The following ZNRF3 variants were observed in gnomAD, a reference collection of about 807,000 sequenced individuals.
ZNRF3 encodes the protein zinc and ring finger 3, also known as E3 ubiquitin-protein ligase ZNRF3.
A neutral mutation model predicts 72.5 loss-of-function variants in ZNRF3; 23 were observed. The ratio of observed to expected loss-of-function variants is 0.32; its 90% CI spans 0.23 to 0.45. The LOEUF (loss-of-function observed/expected upper bound fraction) is 0.45, where lower values mean the gene tolerates loss of function less well. ZNRF3 is among the 20% of genes least tolerant of loss of function. The probability of loss-of-function intolerance (pLI) is 1.00; values close to 1 mark genes in which losing one functional copy is unlikely to be tolerated. For synonymous variants in ZNRF3, 610 were observed against 545.3 expected, an observed-to-expected ratio of 1.12 and a Z score of -1.65; for missense variants, 1,169 against 1,272.1, an observed-to-expected ratio of 0.92 and a Z score of 1.23.
At chr22:28,999,484 A>G (rs1356581936) in intron 2 of ZNRF3, among the ~76,000 whole-genome samples, 1 of 152,182 alleles carries the variant, frequency 6.6e-6, no homozygotes, top group East Asian at 1.9e-4. Flanking sequence ...CTCTCAAAGA[A>G]AGCTACTGAA....
At chr22:28,998,517 A>G (rs2036086126) in intron 2 of ZNRF3, among the ~76,000 whole-genome samples, 1 of 152,182 alleles carries the variant, frequency 6.6e-6, no homozygotes, top group Non-Finnish European at 1.5e-5. Context: ...GATGCAAGCA[A>G]GAAACTTAGT....
intron 2 of ZNRF3, among the ~76,000 whole-genome samples, chr22:28,990,455 C>T (rs1215448447): frequency 3.3e-5 from 5 of 152,056 alleles, no homozygotes; most frequent in African/African-American, 7.2e-5. Context: ...GAGGCCGTGC[C>T]GGGCAGATCA....
intron 1 of ZNRF3, among the ~76,000 whole-genome samples, chr22:28,889,084 C>T (rs1332792685): frequency 2.6e-5 from 4 of 151,620 alleles, no homozygotes; most frequent in Admixed American, 6.6e-5. Context: ...CACTGCACTC[C>T]GGCTTGGGTG....
At chr22:28,951,621 T>C (rs1220360915) in intron 1 of ZNRF3, among the ~76,000 whole-genome samples, 1 of 152,214 alleles carries the variant, frequency 6.6e-6, no homozygotes, top group Admixed American at 6.5e-5. Flanking sequence ...ACCCAGTTTA[T>C]GGTAGTTCGT....
chr22:29,034,525 C>T (rs373771585), intron 2 of ZNRF3, among the ~76,000 whole-genome samples: 10 of 152,102 alleles, frequency 6.6e-5, no homozygotes, highest in African/African-American at 1.9e-4. Flanking sequence ...TGCAAACAGG[C>T]TTTGTGTTCA....
At chr22:29,052,058 C>T (rs1767322011) in intron 8 of ZNRF3, among the ~76,000 whole-genome samples, 1 of 152,094 alleles carries the variant, frequency 6.6e-6, no homozygotes, top group African/African-American at 2.4e-5. Context: ...AGATACAAGT[C>T]CAGGTATTTT....
At chr22:28,975,369 G>T (rs1434714296) in intron 1 of ZNRF3, among the ~76,000 whole-genome samples, 1 of 152,024 alleles carries the variant, frequency 6.6e-6, no homozygotes, top group Non-Finnish European at 1.5e-5. Flanking sequence ...GGGAGTGGTG[G>T]CGGACGCCTG....
At chr22:28,986,807 A>T (rs2035862467) in intron 1 of ZNRF3, among the ~76,000 whole-genome samples, 1 of 152,256 alleles carries the variant, frequency 6.6e-6, no homozygotes, top group East Asian at 1.9e-4. Flanking sequence ...CCTAGATCCT[A>T]TTGGGCAGTT....
intron 1 of ZNRF3, among the ~76,000 whole-genome samples, chr22:28,935,943 A>G (rs1235926303): frequency 6.6e-6 from 1 of 152,134 alleles, no homozygotes; most frequent in African/African-American, 2.4e-5. Flanking sequence ...CCACCAGGGC[A>G]TATTGAACCC....
intron 2 of ZNRF3, among the ~76,000 whole-genome samples, chr22:29,040,990 C>T (rs2036952574): frequency 6.6e-6 from 1 of 152,176 alleles, no homozygotes; most frequent in Non-Finnish European, 1.5e-5. Context: ...TTCTCAAGCA[C>T]TGTGGCCCAT....
At position 29,050,573 on chromosome 22, in the gene ZNRF3, T is replaced by A. The variant is rs2023219523; in HGVS notation, c.2392T>A (p.Tyr798Asn). ...ARGGGGGSGCYTEDYSVSVQY... is the reference protein window; with the variant it reads ...ARGGGGGSGCNTEDYSVSVQY... Reference sequence around the variant, plus strand: ...CGGGGGCGGAGGGGGCAGCGGCTGCTACACTGAGGACTACTCGGTGAGTGT... The same window carrying A: ...CGGGGGCGGAGGGGGCAGCGGCTGCAACACTGAGGACTACTCGGTGAGTGT... Residue 798 changes from tyrosine to asparagine, a missense_variant, in exon 8 of 9, where the codon TAC becomes AAC. Physicochemically the swap from Tyr to Asn is moderately radical, Grantham distance 143 (BLOSUM62 -2). Coordinates refer to ENST00000544604, the MANE Select transcript of ZNRF3 (RefSeq NM_001206998.2). 1 of 1,608,776 alleles carries A rather than the reference T, an allele frequency of 6.2e-7. No homozygotes were observed. The highest frequency in any genetic ancestry group is 8.5e-7 in the Non-Finnish European group (1 of 1,178,002).
At chr22:29,045,669 G>A (rs1004579134) in intron 5 of ZNRF3, among the ~76,000 whole-genome samples, 4 of 152,052 alleles carry the variant, frequency 2.6e-5, no homozygotes, top group African/African-American at 9.7e-5. Flanking sequence ...TAGAGACGGG[G>A]TTTTACCATG....
At chr22:28,926,583 G>A (rs984270772) in intron 1 of ZNRF3, among the ~76,000 whole-genome samples, 5 of 151,720 alleles carry the variant, frequency 3.3e-5, no homozygotes, top group South Asian at 2.1e-4. Flanking sequence ...TGAGGTGGGC[G>A]GATCGCCTGA....
intron 2 of ZNRF3, among the ~76,000 whole-genome samples, chr22:29,029,607 G>A (rs2036707457): frequency 1.3e-5 from 2 of 152,182 alleles, no homozygotes; most frequent in African/African-American, 4.8e-5. Context: ...TAAAATAACT[G>A]CGAAACTTCT....
At chr22:28,991,109 C>T (rs2035943589) in intron 2 of ZNRF3, among the ~76,000 whole-genome samples, 1 of 151,426 alleles carries the variant, frequency 6.6e-6, no homozygotes, top group Non-Finnish European at 1.5e-5. Flanking sequence ...TGGCAAAACA[C>T]CATCTCTACA....
chr22:29,029,268 G>C (rs549092755), intron 2 of ZNRF3, among the ~76,000 whole-genome samples: 2 of 152,322 alleles, frequency 1.3e-5, no homozygotes, highest in South Asian at 4.1e-4. Flanking sequence ...TTACTAGTTT[G>C]TTAGCCCTTG....
At chr22:28,974,687 C>A (rs2035638317) in intron 1 of ZNRF3, among the ~76,000 whole-genome samples, 1 of 152,182 alleles carries the variant, frequency 6.6e-6, no homozygotes. Flanking sequence ...TCACTCTTGT[C>A]CAGGCTGGCG....
intron 1 of ZNRF3, among the ~76,000 whole-genome samples, chr22:28,965,663 GA>G (rs2035446180): frequency 1.3e-5 from 2 of 152,222 alleles, no homozygotes; most frequent in South Asian, 4.1e-4. Context: ...CAACAAGACA[GA>G]AGGGCTGGCA....
intron 2 of ZNRF3, chr22:29,026,234 G>A (rs2036634748): frequency 6.6e-6 from 1 of 152,112 alleles, no homozygotes; most frequent in Non-Finnish European, 1.5e-5. Context: ...ATTCAATATA[G>A]GACACTCTGC....
Sources: allele counts gnomAD v4.1 joint callset (sites outside exome capture counted in the v4.1 genomes callset), GRCh38; gene constraint gnomAD v4.1.1; transcripts MANE v1.5; gene names NCBI Gene and HGNC (gene_info 2026-07-23, HGNC 2026-07-21).